The following TP63 variants were observed in gnomAD, a reference collection of about 807,000 sequenced individuals.
The protein encoded by TP63 is tumor protein p63, also known as tumor protein 63.
A neutral mutation model predicts 82.8 loss-of-function variants in TP63; 17 were observed. The ratio of observed to expected loss-of-function variants is 0.21; its 90% CI spans 0.14 to 0.31. TP63 has a LOEUF of 0.31. Ranked by LOEUF, TP63 falls within the 10% of genes least tolerant of loss-of-function variation. The probability of loss-of-function intolerance (pLI) is 1.00; values close to 1 mark genes in which losing one functional copy is unlikely to be tolerated. For synonymous variants in TP63, 330 were observed against 321.7 expected (o/e 1.03, Z -0.28); for missense variants, 648 against 895.3 (o/e 0.72, Z 3.52).
chr3:189,600,317 T>C, the TP63 span, among the ~76,000 whole-genome samples: 1 of 151,264 alleles, frequency 6.6e-6, no homozygotes, highest in Admixed American at 6.6e-5. Flanking sequence ...CTCTCTGGGC[T>C]TTAGGTTTTT....
the TP63 span, among the ~76,000 whole-genome samples, chr3:189,612,366 C>T: frequency 6.6e-6 from 1 of 152,054 alleles, no homozygotes; most frequent in African/African-American, 2.4e-5. Flanking sequence ...ATGGCTTTAT[C>T]AGGGGTTTCC....
chr3:189,727,589 C>CT (rs1341185717), intron 1 of TP63, among the ~76,000 whole-genome samples: 1 of 152,026 alleles, frequency 6.6e-6, no homozygotes, highest in Admixed American at 6.6e-5. Context: ...ATTTTCTTTT[C>CT]TTTTTTGTCT....
chr3:189,603,127 A>C, the TP63 span, among the ~76,000 whole-genome samples: 1 of 152,112 alleles, frequency 6.6e-6, no homozygotes, highest in African/African-American at 2.4e-5. Flanking sequence ...AAGGTTGAAA[A>C]CCAGTTATAT....
At chr3:189,677,267 C>T (rs975479595) in intron 1 of TP63, among the ~76,000 whole-genome samples, 40 of 142,932 alleles carry the variant, frequency 2.8e-4, no homozygotes, top group Admixed American at 7.1e-4. Context: ...TATAGATATA[C>T]ACACACACAC....
chr3:189,864,621 AACTATTTAATATTAGTAATT>A (rs1717469328), intron 5 of TP63, among the ~76,000 whole-genome samples: 1 of 145,792 alleles, frequency 6.9e-6, no homozygotes, highest in Non-Finnish European at 1.5e-5. Flanking sequence ...ACAGTGGTTG[AACTATTTAATATTAGTAATT>A]ACTAGATGAC....
chr3:189,815,104 T>C (rs1728029875), intron 4 of TP63, among the ~76,000 whole-genome samples: 1 of 152,068 alleles, frequency 6.6e-6, no homozygotes, highest in African/African-American at 2.4e-5. Flanking sequence ...ACTCCCTCCT[T>C]CTCTTTTTTC....
intron 3 of TP63, among the ~76,000 whole-genome samples, chr3:189,753,604 T>G (rs1721981056): frequency 6.6e-6 from 1 of 152,132 alleles, no homozygotes; most frequent in Admixed American, 6.5e-5. Flanking sequence ...AGTTGGCTCA[T>G]TCTTATGCAT....
chr3:189,804,326 C>T (rs184031494), intron 3 of TP63, among the ~76,000 whole-genome samples: 1 of 152,358 alleles, frequency 6.6e-6, no homozygotes, highest in African/African-American at 2.4e-5. Context: ...ATATTATTCA[C>T]TTGACCTGGG....
At chr3:189,732,640 T>G (rs147833368) in intron 1 of TP63, among the ~76,000 whole-genome samples, 2 of 152,320 alleles carry the variant, frequency 1.3e-5, no homozygotes, top group Non-Finnish European at 2.9e-5. Context: ...GAGGGAAGCA[T>G]AGTTGAAGAA....
chr3:189,876,685 C>T (rs1719267629), intron 10 of TP63, among the ~76,000 whole-genome samples: 1 of 152,118 alleles, frequency 6.6e-6, no homozygotes, highest in South Asian at 2.1e-4. Context: ...ATACATGGGT[C>T]TCCAGTGATT....
intron 1 of TP63, among the ~76,000 whole-genome samples, chr3:189,731,687 T>C (rs1210562513): frequency 6.6e-6 from 1 of 152,224 alleles, no homozygotes; most frequent in Non-Finnish European, 1.5e-5. Context: ...AAGTTCTTTC[T>C]TCCTGAATTA....
At chr3:189,733,980 C>G (rs906758580) in intron 1 of TP63, among the ~76,000 whole-genome samples, 2 of 152,084 alleles carry the variant, frequency 1.3e-5, no homozygotes, top group Non-Finnish European at 2.9e-5. Context: ...AATTCCTTCC[C>G]TATATAACTC....
intron 1 of TP63, among the ~76,000 whole-genome samples, chr3:189,667,630 A>C (rs910302411): frequency 6.6e-6 from 1 of 152,122 alleles, no homozygotes; most frequent in African/African-American, 2.4e-5. Context: ...CTGCAAAGCA[A>C]ATAAGTACTA....
intron 5 of TP63, among the ~76,000 whole-genome samples, chr3:189,864,734 C>T (rs558991919): frequency 1.3e-4 from 19 of 151,892 alleles, no homozygotes; most frequent in African/African-American, 3.1e-4. Context: ...AGGCTGGGTA[C>T]GGTGGCTCAT....
intron 4 of TP63, among the ~76,000 whole-genome samples, chr3:189,851,849 T>C (rs1004841004): frequency 6.6e-5 from 10 of 152,110 alleles, no homozygotes; most frequent in African/African-American, 2.4e-4. Context: ...TTCTCTGGTT[T>C]GCAAATGGAC....
At chr3:189,799,489 A>G (rs975554945) in intron 3 of TP63, among the ~76,000 whole-genome samples, 3 of 152,148 alleles carry the variant, frequency 2.0e-5, no homozygotes, top group Admixed American at 1.3e-4. Context: ...TGCATTCGAA[A>G]CAAAACCTAG....
intron 4 of TP63, among the ~76,000 whole-genome samples, chr3:189,833,252 G>T (rs1712629120): frequency 6.6e-6 from 1 of 152,162 alleles, no homozygotes; most frequent in Non-Finnish European, 1.5e-5. Flanking sequence ...GATAGTGATG[G>T]CCTCAAGAAG....
At chr3:189,735,806 C>A (rs1469376740) in intron 1 of TP63, among the ~76,000 whole-genome samples, 1 of 152,096 alleles carries the variant, frequency 6.6e-6, no homozygotes, top group African/African-American at 2.4e-5. Flanking sequence ...ATACACTACT[C>A]CACACGTGTG....
At chr3:189,653,671 AT>A (rs1392030956) in intron 1 of TP63, among the ~76,000 whole-genome samples, 4 of 152,172 alleles carry the variant, frequency 2.6e-5, no homozygotes, top group African/African-American at 9.7e-5. Flanking sequence ...AATTTTCCTC[AT>A]GTGTCAGTTG....
Sources: allele counts gnomAD v4.1 joint callset (sites outside exome capture counted in the v4.1 genomes callset), GRCh38; gene constraint gnomAD v4.1.1; transcripts MANE v1.5; gene names NCBI Gene and HGNC (gene_info 2026-07-23, HGNC 2026-07-21).